DLGAP4: variants seen among roughly 807,000 people sequenced by gnomAD.
The protein encoded by DLGAP4 is disks large-associated protein 4.
Under a neutral mutation model 86.9 loss-of-function variants are expected in DLGAP4, and 18 were observed. The ratio of observed to expected loss-of-function variants is 0.21; its 90% CI spans 0.14 to 0.31. The LOEUF is 0.31. Ranked by LOEUF, DLGAP4 falls within the 10% of genes least tolerant of loss-of-function variation. DLGAP4 has a pLI of 1.00. For missense variants in DLGAP4, 1,085 were observed against 1,362.6 expected, an observed-to-expected ratio of 0.80 and a Z score of 3.21; for synonymous variants, 548 against 574.3, an observed-to-expected ratio of 0.95 and a Z score of 0.65.
chr20:36,389,054 AG>A (rs1039601823), intron 2 of DLGAP4, among the ~76,000 whole-genome samples: 2 of 152,218 alleles, frequency 1.3e-5, no homozygotes, highest in Admixed American at 1.3e-4. Flanking sequence ...ATCAGTGGGA[AG>A]GAGAAGACCG....
intron 1 of DLGAP4, among the ~76,000 whole-genome samples, chr20:36,343,127 C>T (rs1257554609): frequency 2.6e-5 from 4 of 152,208 alleles, no homozygotes; most frequent in South Asian, 2.1e-4. Flanking sequence ...CCTGGAAAGC[C>T]TCTGAAGTGC....
At chr20:36,444,267 C>T (rs998408828) in intron 6 of DLGAP4, among the ~76,000 whole-genome samples, 2 of 152,212 alleles carry the variant, frequency 1.3e-5, no homozygotes, top group Admixed American at 1.3e-4. Flanking sequence ...GAGATAGCCA[C>T]TAGCTATATG....
At chr20:36,323,322 G>T (rs2147348372) in intron 1 of DLGAP4, among the ~76,000 whole-genome samples, 1 of 150,530 alleles carries the variant, frequency 6.6e-6, no homozygotes, top group African/African-American at 2.4e-5. Context: ...GCTTTGTTTT[G>T]TCTTTTTCAC....
At chr20:36,420,523 G>T (rs2032792376) in intron 2 of DLGAP4, among the ~76,000 whole-genome samples, 1 of 152,184 alleles carries the variant, frequency 6.6e-6, no homozygotes, top group South Asian at 2.1e-4. Context: ...GGCAGGAAAT[G>T]AGGTCGGGAA....
At chr20:36,458,314 C>T (rs1011306219) in intron 7 of DLGAP4, among the ~76,000 whole-genome samples, 1 of 148,628 alleles carries the variant, frequency 6.7e-6, no homozygotes, top group African/African-American at 2.5e-5. Context: ...AGTTTGAGAC[C>T]AGCCTGGCCA....
At chr20:36,320,841 T>C (rs1353011042) in intron 1 of DLGAP4, among the ~76,000 whole-genome samples, 3 of 152,166 alleles carry the variant, frequency 2.0e-5, no homozygotes, top group Non-Finnish European at 4.4e-5. Flanking sequence ...TCTCTCTAAC[T>C]CTTTACCTCC....
At chr20:36,362,900 T>A (rs2030567069) in intron 1 of DLGAP4, among the ~76,000 whole-genome samples, 1 of 152,148 alleles carries the variant, frequency 6.6e-6, no homozygotes, top group Non-Finnish European at 1.5e-5. Context: ...AACCACCATA[T>A]GAAGAAGGCT....
Position 36,351,984 on chromosome 20 carries a change from G to A in DLGAP4, c.-303-15061G>A, listed in dbSNP as rs559971664. Among the ~76,000 whole-genome samples the A allele has an allele frequency of 7.8e-4, 119 of 152,308 alleles. 1 individual carries two copies. The South Asian group carries it at 0.019, about 24-fold the overall frequency. ...AACGACCAGGACAAAGTGCGAGGAA[G>A]CCCAGGCAGGTGAGACAGGGTGTCT... On this transcript the variant is annotated intron_variant, in intron 1 of 12. Transcript: ENST00000339266.
At chr20:36,483,386 G>A (rs1397011613) in intron 7 of DLGAP4, among the ~76,000 whole-genome samples, 1 of 152,186 alleles carries the variant, frequency 6.6e-6, no homozygotes, top group African/African-American at 2.4e-5. Flanking sequence ...TCCAGGCTGG[G>A]GGGAAACCAG....
At chr20:36,484,376 A>G (rs2035319131) in intron 7 of DLGAP4, among the ~76,000 whole-genome samples, 1 of 152,156 alleles carries the variant, frequency 6.6e-6, no homozygotes, top group Non-Finnish European at 1.5e-5. Flanking sequence ...TGTGACCCCA[A>G]CATGTCAGGA....
intron 1 of DLGAP4, among the ~76,000 whole-genome samples, chr20:36,310,999 G>C (rs2065048477): frequency 6.6e-6 from 1 of 152,168 alleles, no homozygotes; most frequent in Non-Finnish European, 1.5e-5. Context: ...AGGGTTGCCT[G>C]TTCTGTTCCT....
At chr20:36,521,187 T>A (rs969426769) in intron 10 of DLGAP4, among the ~76,000 whole-genome samples, 2 of 152,200 alleles carry the variant, frequency 1.3e-5, no homozygotes, top group African/African-American at 2.4e-5. Context: ...ACTCCTGGCC[T>A]CGAGTGATCT....
intron 2 of DLGAP4, among the ~76,000 whole-genome samples, chr20:36,429,228 G>A (rs1369544888): frequency 4.0e-5 from 6 of 150,340 alleles, no homozygotes; most frequent in African/African-American, 9.8e-5. Context: ...ATAGGCGCAC[G>A]CCATCACACC....
At chr20:36,320,024 C>A (rs1555890366) in intron 1 of DLGAP4, among the ~76,000 whole-genome samples, 1 of 151,278 alleles carries the variant, frequency 6.6e-6, no homozygotes, top group Non-Finnish European at 1.5e-5. Flanking sequence ...CCCTCTGTGT[C>A]CCCCTCTCCC....
At chr20:36,352,687 C>T (rs1188847249) in intron 1 of DLGAP4, among the ~76,000 whole-genome samples, 2 of 152,084 alleles carry the variant, frequency 1.3e-5, no homozygotes, top group Non-Finnish European at 2.9e-5. Context: ...ACCTTGTAGA[C>T]ATCCAGGTGG....
intron 1 of DLGAP4, among the ~76,000 whole-genome samples, chr20:36,310,961 T>C (rs2065048278): frequency 6.6e-6 from 1 of 152,150 alleles, no homozygotes; most frequent in African/African-American, 2.4e-5. Context: ...CATGACTAGA[T>C]TTTCTTTCAT....
intron 1 of DLGAP4, among the ~76,000 whole-genome samples, chr20:36,310,951 C>T (rs2065048164): frequency 6.6e-6 from 1 of 152,184 alleles, no homozygotes; most frequent in Non-Finnish European, 1.5e-5. Flanking sequence ...TTGTGACTCA[C>T]ATGACTAGAT....
intron 2 of DLGAP4, among the ~76,000 whole-genome samples, chr20:36,385,285 A>G (rs1033390862): frequency 3.3e-5 from 5 of 152,104 alleles, no homozygotes; most frequent in Non-Finnish European, 7.4e-5. Flanking sequence ...CAAGTCATCT[A>G]CCCTCTCTGG....
intron 2 of DLGAP4, among the ~76,000 whole-genome samples, chr20:36,390,499 G>C (rs1045082215): frequency 6.6e-6 from 1 of 152,086 alleles, no homozygotes; most frequent in South Asian, 2.1e-4. Context: ...CCTACTGCCT[G>C]CCACATGGTG....
Sources: gnomAD v4.1 joint callset for allele counts (sites outside exome capture counted in the v4.1 genomes callset) on GRCh38, gnomAD v4.1.1 for gene constraint, MANE v1.5 for transcripts, NCBI Gene and HGNC (gene_info 2026-07-23, HGNC 2026-07-21) for gene names.